Variants in WDR25 observed in about 807,000 individuals in gnomAD.
WDR25 encodes the protein WD repeat domain 25.
WDR25 carries 35 observed loss-of-function variants against 47.7 expected under a neutral mutation model. The observed-to-expected ratio is 0.73, with a 90% CI of 0.56 to 0.97. The LOEUF is 0.97. Among genes scored for constraint, WDR25 ranks in the 50% least tolerant of loss-of-function variants. WDR25 has a pLI of 0.00. For synonymous variants in WDR25, 248 were observed against 278.9 expected, an observed-to-expected ratio of 0.89 and a Z score of 1.10; for missense variants, 634 against 704.7, an observed-to-expected ratio of 0.90 and a Z score of 1.14.
intron 1 of WDR25, among the ~76,000 whole-genome samples, chr14:100,378,274 A>C (rs1896779644): frequency 6.6e-6 from 1 of 151,558 alleles, no homozygotes; most frequent in South Asian, 2.1e-4. Flanking sequence ...GGTTTAAATG[A>C]TTCTCCTGCC....
In WDR25 at chr14:100,396,198, G is replaced by A. The variant is rs112280533; in HGVS notation, c.822+14452G>A. On this transcript the variant is annotated intron_variant, in intron 2 of 6. Transcript: ENST00000402312. The stretch of plus-strand genomic sequence containing the variant: ...TCACCATGTTAGCCAGGATGGTCTC[G>A]ATCTCCTGACCTTGTGATCCACCTG... 7.3e-3 allele frequency among the ~76,000 whole-genome samples: 1,114 copies of A among 151,930 alleles called. 9 individuals carry two copies. Among genetic ancestry groups the A allele is most frequent in the African/African-American group, 0.022 (897 of 41,410 alleles).
chr14:100,477,615 G>A (rs1031059540), intron 3 of WDR25, among the ~76,000 whole-genome samples: 4 of 152,166 alleles, frequency 2.6e-5, no homozygotes, highest in African/African-American at 9.7e-5. Flanking sequence ...CGTCTGACAA[G>A]TTAAGACCTT....
chr14:100,396,063 G>A (rs1324583353), intron 2 of WDR25, among the ~76,000 whole-genome samples: 5 of 142,930 alleles, frequency 3.5e-5, no homozygotes, highest in South Asian at 4.5e-4. Context: ...TGCAAGCTCC[G>A]CCTTCCGGGT....
intron 2 of WDR25, among the ~76,000 whole-genome samples, chr14:100,386,067 A>G (rs943178765): frequency 3.9e-5 from 6 of 152,214 alleles, no homozygotes; most frequent in Non-Finnish European, 5.9e-5. Flanking sequence ...AAGAAAATAT[A>G]TGAATTAGAT....
At position 100,468,224 on chromosome 14, in the gene WDR25, G is replaced by C; in HGVS notation, c.970+56G>C. 6.3e-7 allele frequency: 1 copy of C among 1,575,062 alleles called. No homozygotes were observed. Among genetic ancestry groups the C allele is most frequent in the East Asian group, 2.3e-5 (1 of 44,442 alleles). On this transcript the variant is annotated intron_variant, in intron 3 of 6. Coordinates refer to ENST00000402312, the MANE Select transcript of WDR25 (RefSeq NM_001161476.3). The surrounding 1 kb of genome is among the most constrained non-coding windows in gnomAD (Gnocchi z 4.5). ...AGCTGGCAGCTCTCTCCCTGGGGAA[G>C]GTTCTCTGGTGGGCACGCAGCCACA...
intron 2 of WDR25, among the ~76,000 whole-genome samples, chr14:100,414,903 CAAA>C (rs35444675): frequency 4.4e-5 from 5 of 113,548 alleles, no homozygotes; most frequent in Admixed American, 2.0e-4. Context: ...GACTCCATCT[CAAA>C]AAAAAAAAAA....
In WDR25 at chr14:100,498,738, C is replaced by T. The variant is rs1385205228; in HGVS notation, c.1101+14614C>T. 6.6e-6 allele frequency among the ~76,000 whole-genome samples: 1 copy of T among 152,212 alleles called. No individual in the cohort carries two copies. The highest frequency in any genetic ancestry group is 1.9e-4 in the East Asian group (1 of 5,196). ...CTGTACAGTGCAGAGAGGCACCTTG[C>T]TGAGGGATAGGTGGGGTCTGTATTC... On this transcript the variant is annotated intron_variant, in intron 4 of 6. Transcript: ENST00000402312. The surrounding 1 kb of genome is among the most constrained non-coding windows in gnomAD (Gnocchi z 4.2).
At chr14:100,483,065 C>T (rs990506866) in intron 3 of WDR25, among the ~76,000 whole-genome samples, 2 of 152,134 alleles carry the variant, frequency 1.3e-5, no homozygotes, top group African/African-American at 2.4e-5. Context: ...AGAACACCTC[C>T]CCAAGGCCAG....
At chr14:100,420,127 G>T (rs530291169) in intron 2 of WDR25, among the ~76,000 whole-genome samples, 17 of 152,288 alleles carry the variant, frequency 1.1e-4, no homozygotes, top group Admixed American at 4.6e-4. Context: ...GATCTCCAGG[G>T]GCATCTGGAA....
At chr14:100,415,670 A>G (rs1223431889) in intron 2 of WDR25, among the ~76,000 whole-genome samples, 2 of 152,198 alleles carry the variant, frequency 1.3e-5, no homozygotes, top group Non-Finnish European at 1.5e-5. Flanking sequence ...TCTGTAATGC[A>G]TCCCACTGTG....
intron 4 of WDR25, chr14:100,487,760 T>C (rs1184984115): frequency 1.3e-5 from 2 of 152,218 alleles, no homozygotes; most frequent in Non-Finnish European, 2.9e-5. Context: ...AGGTTGACTT[T>C]ATTACACATT....
intron 1 of WDR25, among the ~76,000 whole-genome samples, chr14:100,377,826 T>A (rs2140127973): frequency 6.6e-6 from 1 of 152,298 alleles, no homozygotes; most frequent in East Asian, 1.9e-4. Flanking sequence ...AAACCCATTG[T>A]CTAGAAGAAG....
At position 100,490,235 on chromosome 14, in the gene WDR25, C is replaced by T. The variant is rs558847939; in HGVS notation, c.1101+6111C>T. 3.9e-5 allele frequency among the ~76,000 whole-genome samples: 6 copies of T among 152,250 alleles called. No homozygotes were observed. The South Asian group carries it at 1.0e-3, about 26-fold the overall frequency. On this transcript the variant is annotated intron_variant, in intron 4 of 6. Transcript: ENST00000402312. ...GACTCCCTGAGGGAAAGAGTTGTGCCTCATTTACCATGGTATTCCCAGCAT... is the reference window on the plus strand; with the variant it reads ...GACTCCCTGAGGGAAAGAGTTGTGCTTCATTTACCATGGTATTCCCAGCAT...
intron 4 of WDR25, among the ~76,000 whole-genome samples, chr14:100,507,225 C>T (rs1384394172): frequency 6.6e-6 from 1 of 152,116 alleles, no homozygotes; most frequent in African/African-American, 2.4e-5. Flanking sequence ...AGGTGTGCAG[C>T]TTTATTCTGG....
intron 1 of WDR25, among the ~76,000 whole-genome samples, chr14:100,377,958 G>GT (rs1896760240): frequency 6.6e-6 from 1 of 152,108 alleles, no homozygotes; most frequent in Admixed American, 6.5e-5. Flanking sequence ...TTAAGGTTGG[G>GT]TGCACTGGGT....
intron 4 of WDR25, among the ~76,000 whole-genome samples, chr14:100,519,048 G>A (rs1242283304): frequency 1.3e-5 from 2 of 151,996 alleles, no homozygotes; most frequent in Non-Finnish European, 1.5e-5. Context: ...TGCCCACTAT[G>A]TACTGCCTTA....
At chr14:100,457,029 G>A (rs1313111156) in intron 2 of WDR25, among the ~76,000 whole-genome samples, 1 of 151,546 alleles carries the variant, frequency 6.6e-6, no homozygotes, top group Non-Finnish European at 1.5e-5. Flanking sequence ...GTGATCTCGG[G>A]TCACTGCAAC....
intron 2 of WDR25, among the ~76,000 whole-genome samples, chr14:100,391,840 T>C (rs1897152641): frequency 6.6e-6 from 1 of 152,220 alleles, no homozygotes; most frequent in African/African-American, 2.4e-5. Context: ...TTCATAATAA[T>C]ACCTAGGAGT....
chr14:100,457,774 A>G (rs959823013), intron 2 of WDR25, among the ~76,000 whole-genome samples: 7 of 152,234 alleles, frequency 4.6e-5, no homozygotes, highest in African/African-American at 7.2e-5. Flanking sequence ...AAAATACACA[A>G]TAACAATAGC....
Sources: gnomAD v4.1 joint callset for allele counts (sites outside exome capture counted in the v4.1 genomes callset) on GRCh38, gnomAD v4.1.1 for gene constraint, Gnocchi (gnomAD v3.1) non-coding constraint, MANE v1.5 for transcripts, NCBI Gene and HGNC (gene_info 2026-07-23, HGNC 2026-07-21) for gene names.